The following ACAP2 variants were observed in gnomAD, a reference collection of about 807,000 sequenced individuals.
ACAP2 encodes ArfGAP with coiled-coil, ankyrin repeat and PH domains 2.
ACAP2 carries 39 observed loss-of-function variants against 115.8 expected under a neutral mutation model. That is an observed-to-expected ratio of 0.34 (90% CI 0.26 to 0.44). The LOEUF is 0.44. ACAP2 is among the 20% of genes least tolerant of loss of function. The pLI is 1.00. For synonymous variants in ACAP2, 289 were observed against 315.8 expected, an observed-to-expected ratio of 0.92 and a Z score of 0.90; for missense variants, 662 against 927.6, an observed-to-expected ratio of 0.71 and a Z score of 3.72.
At chr3:195,335,417 G>A (rs1730437127) in intron 7 of ACAP2, among the ~76,000 whole-genome samples, 2 of 152,022 alleles carry the variant, frequency 1.3e-5, no homozygotes. Flanking sequence ...TAGTATGTAG[G>A]AATGATTCCC....
At position 195,284,602 on chromosome 3, in the gene ACAP2, C is replaced by G. The variant is rs138385575; in HGVS notation, c.2236+1194G>C. ...AAAATAAGCAGTAGTAAATACGGTC[C>G]TCTGAGGAAAGAACGGCCTCACATT... On this transcript the variant is annotated intron_variant, in intron 22 of 22. Transcript: ENST00000326793. 1.0e-3 allele frequency among the ~76,000 whole-genome samples: 153 copies of G among 152,236 alleles called. 3 individuals are homozygous for G. The South Asian group carries it at 0.021, about 21-fold the overall frequency.
intron 4 of ACAP2, among the ~76,000 whole-genome samples, chr3:195,375,177 G>A (rs1733440386): frequency 6.6e-6 from 1 of 151,864 alleles, no homozygotes; most frequent in Admixed American, 6.6e-5. Flanking sequence ...GGGTGACAGA[G>A]TAAGACTGTC....
At chr3:195,286,488 A>G (rs1201913166) in intron 21 of ACAP2, among the ~76,000 whole-genome samples, 2 of 152,152 alleles carry the variant, frequency 1.3e-5, no homozygotes, top group African/African-American at 2.4e-5. Flanking sequence ...AAAATAGGCA[A>G]ATATTGTGTT....
chr3:195,413,471 G>A (rs770198709), intron 1 of ACAP2, among the ~76,000 whole-genome samples: 5 of 152,052 alleles, frequency 3.3e-5, no homozygotes, highest in Admixed American at 1.3e-4. Flanking sequence ...AAAGGGGGCC[G>A]GACACGATGG....
intron 10 of ACAP2, among the ~76,000 whole-genome samples, chr3:195,315,856 G>C (rs55927338): frequency 6.6e-6 from 1 of 151,454 alleles, no homozygotes; most frequent in Non-Finnish European, 1.5e-5. Context: ...TAATATCTAT[G>C]CCAATGTAAT....
chr3:195,330,987 TG>T (rs1412992776), intron 8 of ACAP2, among the ~76,000 whole-genome samples: 8 of 152,212 alleles, frequency 5.3e-5, no homozygotes, highest in African/African-American at 1.9e-4. Flanking sequence ...GCTAACCAAG[TG>T]GCCACCATAC....
chr3:195,442,086 C>T (rs1716038995), intron 1 of ACAP2: 2 of 152,486 alleles, frequency 1.3e-5, no homozygotes, highest in African/African-American at 4.8e-5. Flanking sequence ...GCCCTCAGCC[C>T]GGTACCTCTC....
intron 2 of ACAP2, among the ~76,000 whole-genome samples, chr3:195,388,537 C>T (rs943985224): frequency 2.0e-5 from 3 of 152,176 alleles, no homozygotes; most frequent in Non-Finnish European, 4.4e-5. Context: ...GCATGATTTA[C>T]AATGATACTA....
intron 2 of ACAP2, among the ~76,000 whole-genome samples, chr3:195,390,186 G>A (rs1479014875): frequency 4.6e-5 from 7 of 151,898 alleles, no homozygotes; most frequent in African/African-American, 1.7e-4. Context: ...GCCTGAGCAA[G>A]ACTCTGTCTC....
At chr3:195,380,271 CA>C (rs962616031) in intron 4 of ACAP2, among the ~76,000 whole-genome samples, 34 of 150,342 alleles carry the variant, frequency 2.3e-4, no homozygotes, top group African/African-American at 6.1e-4. Flanking sequence ...TGCTAACCAA[CA>C]AAAAAAAATT....
At chr3:195,426,910 G>A (rs966500434) in intron 1 of ACAP2, among the ~76,000 whole-genome samples, 1 of 152,078 alleles carries the variant, frequency 6.6e-6, no homozygotes, top group Non-Finnish European at 1.5e-5. Flanking sequence ...GGTGGACTGT[G>A]GTAGACAAAA....
intron 6 of ACAP2, among the ~76,000 whole-genome samples, chr3:195,341,719 C>A (rs1344638846): frequency 1.3e-5 from 2 of 152,036 alleles, no homozygotes; most frequent in African/African-American, 4.8e-5. Flanking sequence ...AACCTTAGTA[C>A]CTCTAAGAAT....
At chr3:195,297,086 A>G in intron 16 of ACAP2, 104 bp downstream of exon 16, 1 of 956,204 alleles carries the variant, frequency 1.0e-6, no homozygotes, top group Non-Finnish European at 1.6e-6. Flanking sequence ...AGTGGTAATG[A>G]CTGCTTCTAA....
Position 195,307,275 on chromosome 3 carries a change from G to A in ACAP2, c.958C>T (p.His320Tyr). ...AATCGTCGCTCTATGTCTTCACAAT[G>A]TTTCACTGTGCAAAGCCTGAGGTCT... ...VEDLRLCTVK[H>Y]CEDIERRFCF... is the part of the protein sequence containing the mutation. The change falls in exon 12 of 23, where the codon CAT becomes TAT. Residue 320 changes from histidine (H) to tyrosine (Y), a missense_variant. Around this residue, in one of 3 missense-constraint regions of ACAP2, gnomAD observed 401 missense variants for 604.4 expected, o/e 0.66. Transcript: ENST00000326793. 6.2e-7 allele frequency: 1 copy of A among 1,613,398 alleles called. No individual in the cohort carries two copies. The highest frequency in any genetic ancestry group is 2.2e-5 in the East Asian group (1 of 44,768).
At chr3:195,320,856 A>AGTTCAT in intron 9 of ACAP2, 43 bp from the exon 10 acceptor site, 2 of 1,339,302 alleles carry the variant, frequency 1.5e-6, no homozygotes, top group Non-Finnish European at 2.1e-6. Flanking sequence ...GACTTGACTA[A>AGTTCAT]GTTTCCTAGA....
At chr3:195,420,368 A>G (rs1183712960) in intron 1 of ACAP2, among the ~76,000 whole-genome samples, 1 of 151,928 alleles carries the variant, frequency 6.6e-6, no homozygotes, top group Non-Finnish European at 1.5e-5. Context: ...GGTTTTTTTG[A>G]GACGGAGTCT....
Position 195,381,891 on chromosome 3 carries a change from A to G in ACAP2, c.231+12T>C. On this transcript the variant is annotated intron_variant, in intron 3 of 22. Transcript: ENST00000326793. ...TTTTTTCATTTTTAACTGCAATTTT[A>G]GTAATACTAACCTCAACGACAGCAT... is the stretch of plus-strand genomic sequence containing the variant. 1 of 1,567,448 alleles carries G rather than the reference A, an allele frequency of 6.4e-7. No individual in the cohort carries two copies. The highest frequency in any genetic ancestry group is 8.6e-7 in the Non-Finnish European group (1 of 1,163,302).
chr3:195,363,229 T>C (rs1189403859), intron 4 of ACAP2, among the ~76,000 whole-genome samples: 1 of 152,126 alleles, frequency 6.6e-6, no homozygotes, highest in South Asian at 2.1e-4. Context: ...ACTTAGCAAT[T>C]AACCAAAGAA....
intron 1 of ACAP2, among the ~76,000 whole-genome samples, chr3:195,409,449 GAAAT>G (rs1713070874): frequency 1.3e-5 from 2 of 151,736 alleles, no homozygotes; most frequent in South Asian, 4.2e-4. Context: ...AAGTACAAAA[GAAAT>G]AAACAAATGG....
Sources: allele counts gnomAD v4.1 joint callset (sites outside exome capture counted in the v4.1 genomes callset), GRCh38; gene constraint gnomAD v4.1.1; regional missense constraint gnomAD v4.1.1; transcripts MANE v1.5; gene names NCBI Gene and HGNC (gene_info 2026-07-23, HGNC 2026-07-21).